Variants in ITGA9 observed in about 807,000 individuals in gnomAD.
ITGA9 encodes integrin alpha-9.
A neutral mutation model predicts 127.8 loss-of-function variants in ITGA9; 56 were observed. That is an observed-to-expected ratio of 0.44 (90% CI 0.35 to 0.55). The LOEUF is 0.55. Among genes scored for constraint, ITGA9 ranks in the 20% least tolerant of loss-of-function variants. The pLI is 0.00. For missense variants in ITGA9, 1,196 were observed against 1,347.1 expected (o/e 0.89, Z 1.76); for synonymous variants, 508 against 514.5 (o/e 0.99, Z 0.17).
chr3:37,477,891 G>A (rs1056513464), intron 3 of ITGA9, among the ~76,000 whole-genome samples: 6 of 151,178 alleles, frequency 4.0e-5, no homozygotes, highest in African/African-American at 1.5e-4. Flanking sequence ...GTCCTTATCT[G>A]TTCAGTGCTT....
At chr3:37,508,248 T>TA (rs1698865513) in intron 7 of ITGA9, among the ~76,000 whole-genome samples, 5 of 152,200 alleles carry the variant, frequency 3.3e-5, no homozygotes, top group Admixed American at 3.3e-4. Context: ...AGAAACAAAA[T>TA]ACTAGCTTTT....
chr3:37,578,401 A>G (rs1575156134), intron 15 of ITGA9, among the ~76,000 whole-genome samples: 1 of 152,198 alleles, frequency 6.6e-6, no homozygotes, highest in Admixed American at 6.5e-5. Context: ...GGAATGACCC[A>G]CTGCTTTTTG....
At chr3:37,794,515 T>G (rs900613040) in intron 26 of ITGA9, among the ~76,000 whole-genome samples, 4 of 152,228 alleles carry the variant, frequency 2.6e-5, no homozygotes, top group Non-Finnish European at 4.4e-5. Flanking sequence ...TGTGTCCTGG[T>G]CCTTAACTAG....
intron 15 of ITGA9, among the ~76,000 whole-genome samples, chr3:37,604,654 T>C (rs1275298202): frequency 1.3e-5 from 2 of 152,244 alleles, no homozygotes; most frequent in East Asian, 3.8e-4. Context: ...CTTTACTGAA[T>C]GTCCCTTCTC....
chr3:37,591,190 TC>T lies in ITGA9; in HGVS notation c.1690-37995del, dbSNP rs376521026. Among the ~76,000 whole-genome samples, 22 of 152,310 alleles carry T rather than the reference TC, an allele frequency of 1.4e-4. No individual in the cohort carries two copies. In the South Asian group the frequency reaches 4.6e-3, roughly 32 times the overall value. Reference sequence around the variant, plus strand: ...TTGTGATCTGGGAAGGATCCCTTTCTCCTCATTTTTTCCCCACCTCCTTTTC... The same window carrying T: ...TTGTGATCTGGGAAGGATCCCTTTCTCTCATTTTTTCCCCACCTCCTTTTC... On this transcript the variant is annotated intron_variant, in intron 15 of 27. Transcript: ENST00000264741.
In ITGA9 at chr3:37,506,075, G is replaced by C. The variant is rs751684748; in HGVS notation, c.818G>C (p.Gly273Ala). 35 of 1,607,950 alleles carry C rather than the reference G, an allele frequency of 2.2e-5. No homozygotes were observed. Among genetic ancestry groups the C allele is most frequent in the Admixed American group, 6.7e-5 (4 of 59,392 alleles). The change falls in exon 7 of 28, where the codon GGC becomes GCC. Residue 273 changes from glycine to alanine, a missense_variant. Transcript: ENST00000264741. ...GTAGGAGGTGCCCCACAGGACAAAGGCATCGGCAAGGTGAGGAGAAACATC... is the reference window on the plus strand; with the variant it reads ...GTAGGAGGTGCCCCACAGGACAAAGCCATCGGCAAGGTGAGGAGAAACATC... ...DVVGGAPQDK[G>A]IGKVYIFRAD...
intron 15 of ITGA9, among the ~76,000 whole-genome samples, chr3:37,620,392 C>T (rs1208737926): frequency 6.6e-6 from 1 of 152,162 alleles, no homozygotes; most frequent in Non-Finnish European, 1.5e-5. Context: ...GATCTTGCCC[C>T]ACAGACCTTT....
At chr3:37,492,621 A>G (rs951609093) in intron 4 of ITGA9, among the ~76,000 whole-genome samples, 1 of 152,230 alleles carries the variant, frequency 6.6e-6, no homozygotes, top group Non-Finnish European at 1.5e-5. Flanking sequence ...GACTGCTTTA[A>G]AAGATGAAAG....
intron 15 of ITGA9, among the ~76,000 whole-genome samples, chr3:37,581,987 A>G (rs971457320): frequency 3.9e-5 from 6 of 152,026 alleles, no homozygotes; most frequent in Admixed American, 1.3e-4. Flanking sequence ...TTTTTCTTCC[A>G]CTTTTTAAAA....
At position 37,544,547 on chromosome 3, in the gene ITGA9, G is replaced by T. The variant is rs531649294; in HGVS notation, c.1689+1962G>T. Among the ~76,000 whole-genome samples the T allele has an allele frequency of 3.3e-5, 5 of 152,288 alleles. No individual in the cohort carries two copies. The East Asian group carries it at 9.6e-4, about 29-fold the overall frequency. On this transcript the variant is annotated intron_variant, in intron 15 of 27. Coordinates refer to ENST00000264741, the MANE Select transcript of ITGA9 (RefSeq NM_002207.3). ...CTGATCTTCCTCTACCCAACAAGTG[G>T]CATTTCTTCACTCAAGCAAAACCTG... is the stretch of plus-strand genomic sequence containing the variant.
chr3:37,626,041 C>T (rs910271992), intron 15 of ITGA9, among the ~76,000 whole-genome samples: 4 of 152,172 alleles, frequency 2.6e-5, no homozygotes, highest in African/African-American at 9.6e-5. Flanking sequence ...TAAGATATGC[C>T]ACGACTCAGG....
intron 23 of ITGA9, among the ~76,000 whole-genome samples, chr3:37,776,713 C>T (rs1696912602): frequency 6.6e-6 from 1 of 152,230 alleles, no homozygotes; most frequent in African/African-American, 2.4e-5. Flanking sequence ...AGCACCGTTG[C>T]CATTGCTGTC....
At chr3:37,496,556 G>T (rs994746048) in intron 5 of ITGA9, among the ~76,000 whole-genome samples, 1 of 152,146 alleles carries the variant, frequency 6.6e-6, no homozygotes, top group Non-Finnish European at 1.5e-5. Context: ...TCCTTCTGCC[G>T]TCTTGCTTCC....
intron 22 of ITGA9, among the ~76,000 whole-genome samples, chr3:37,750,145 C>T (rs563819697): frequency 6.6e-6 from 1 of 152,202 alleles, no homozygotes; most frequent in East Asian, 1.9e-4. Context: ...TCTGAGTTCT[C>T]ACCAAGTGTA....
At chr3:37,802,671 G>A (rs141666694) in intron 26 of ITGA9, among the ~76,000 whole-genome samples, 177 of 152,262 alleles carry the variant, frequency 1.2e-3, no homozygotes, top group African/African-American at 4.0e-3. Context: ...TGACCAGTGG[G>A]GATAAAGCAG....
chr3:37,567,964 T>TCACAGCTC (rs1174239251), intron 15 of ITGA9, among the ~76,000 whole-genome samples: 2 of 152,160 alleles, frequency 1.3e-5, no homozygotes, highest in Admixed American at 6.5e-5. Flanking sequence ...GGCCGTCTTC[T>TCACAGCTC]CACAGCTCCA....
intron 18 of ITGA9, among the ~76,000 whole-genome samples, chr3:37,694,527 T>C (rs1404670442): frequency 6.6e-6 from 1 of 152,224 alleles, no homozygotes; most frequent in Non-Finnish European, 1.5e-5. Flanking sequence ...TTCACGTATA[T>C]GAAAAGCTTC....
At chr3:37,590,020 C>T (rs1559543655) in intron 15 of ITGA9, among the ~76,000 whole-genome samples, 2 of 152,200 alleles carry the variant, frequency 1.3e-5, no homozygotes. Flanking sequence ...CAGCCGCCAT[C>T]CCCTAACAGG....
chr3:37,820,495 T>C lies in ITGA9; in HGVS notation c.*1506T>C, dbSNP rs1311831281. The C allele has an allele frequency of 6.6e-6, 1 of 152,258 alleles. No homozygotes were observed. The highest frequency in any genetic ancestry group is 2.4e-5 in the African/African-American group (1 of 41,428). The allele number at this position is 152,258 out of a possible 1,614,324, so 9.4% of individuals were successfully genotyped here. On this transcript the variant is annotated 3_prime_UTR_variant, in exon 28 of 28. Coordinates refer to ENST00000264741, the MANE Select transcript of ITGA9 (RefSeq NM_002207.3). ...CCTCCCCACCCCCTGAATGTGTGAG[T>C]GCTGAGTTACGGCCTTCAGTATCCA...
Sources: gnomAD v4.1 joint callset for allele counts (sites outside exome capture counted in the v4.1 genomes callset) on GRCh38, gnomAD v4.1.1 for gene constraint, MANE v1.5 for transcripts, NCBI Gene and HGNC (gene_info 2026-07-23, HGNC 2026-07-21) for gene names.